The following SIGLEC1 variants were observed in gnomAD, a reference collection of about 807,000 sequenced individuals.
SIGLEC1 encodes the protein sialoadhesin.
A neutral mutation model predicts 148.0 loss-of-function variants in SIGLEC1; 132 were observed. That is an observed-to-expected ratio of 0.89 (90% CI 0.77 to 1.03). The LOEUF (loss-of-function observed/expected upper bound fraction) is 1.03. Among genes scored for constraint, SIGLEC1 ranks in the 50% least tolerant of loss-of-function variants. The pLI, the probability that SIGLEC1 is intolerant of heterozygous loss-of-function variation, is 0.00. For synonymous variants in SIGLEC1, 945 were observed against 969.0 expected (o/e 0.98, Z 0.46); for missense variants, 2,253 against 2,271.4 (o/e 0.99, Z 0.16).
At chr20:3,701,737 C>T in intron 6 of SIGLEC1, 96 bp from the exon 7 acceptor site, 1 of 1,219,648 alleles carries the variant, frequency 8.2e-7, no homozygotes, top group Admixed American at 3.0e-5. Flanking sequence ...CTTTGTCCCA[C>T]ACTGCCCTGT....
In SIGLEC1 at chr20:3,696,764, G is replaced by C; in HGVS notation, c.2505C>G (p.Leu835=). 2 of 1,613,290 alleles carry C rather than the reference G, an allele frequency of 1.2e-6. No individual in the cohort carries two copies. The highest frequency in any genetic ancestry group is 1.7e-6 in the Non-Finnish European group (2 of 1,179,968). ...ALLALFHGEH[L]LATSLGPQVP... ...CCTGGGGACCCAGGCTGGTGGCCAG[G>C]AGGTGCTCCCCATGGAACAAGGCCA... The change falls in exon 11 of 22, where the codon CTC becomes CTG. Residue 835 remains leucine, a synonymous_variant. Transcript: ENST00000344754.
intron 1 of SIGLEC1, among the ~76,000 whole-genome samples, chr20:3,709,330 G>A (rs1600293097): frequency 6.6e-6 from 1 of 152,232 alleles, no homozygotes; most frequent in African/African-American, 2.4e-5. Flanking sequence ...ACATCACTAG[G>A]CATTAGGAAA....
At chr20:3,698,834 G>A (rs2087826215) in intron 8 of SIGLEC1, among the ~76,000 whole-genome samples, 1 of 152,244 alleles carries the variant, frequency 6.6e-6, no homozygotes, top group Non-Finnish European at 1.5e-5. Flanking sequence ...GTGCTGAGGG[G>A]CTTTGCCTTG....
chr20:3,694,994 T>C (rs1434808920), intron 11 of SIGLEC1, 71 bp from the exon 12 acceptor site: 37 of 1,494,950 alleles, frequency 2.5e-5, no homozygotes, highest in Non-Finnish European at 3.3e-5. Flanking sequence ...CATGTGCGTG[T>C]CCACCTAGGA....
In SIGLEC1 at chr20:3,697,148, C is replaced by A. The variant is rs773678605; in HGVS notation, c.2317G>T (p.Ala773Ser). 1 of 1,613,662 alleles carries A rather than the reference C, an allele frequency of 6.2e-7. No homozygotes were observed. Among genetic ancestry groups the A allele is most frequent in the Non-Finnish European group, 8.5e-7 (1 of 1,180,010 alleles). ...CCAGCCTCAGTCAGGATGCGGCAGG[C>A]GTAAAGGGCAGCATCAGTTCTGGCC... is the stretch of plus-strand genomic sequence containing the variant. ...PVARTDAALY[A>S]CRILTEAGAQ... is the part of the protein sequence containing the mutation. Residue 773 changes from alanine to serine, a missense_variant, in exon 10 of 22, where the codon GCC becomes TCC. Coordinates refer to ENST00000344754, the MANE Select transcript of SIGLEC1 (RefSeq NM_023068.4).
chr20:3,696,129 T>TATATACACACACACACACAC (rs11087599), intron 11 of SIGLEC1, among the ~76,000 whole-genome samples: 41 of 142,512 alleles, frequency 2.9e-4, no homozygotes, highest in African/African-American at 1.1e-3. Flanking sequence ...ACTATATATA[T>TATATACACACACACACACAC]ACACACACAC....
intron 9 of SIGLEC1, 141 bp downstream of exon 9, chr20:3,697,657 C>T (rs1422616842): frequency 2.6e-6 from 2 of 771,254 alleles, no homozygotes; most frequent in Non-Finnish European, 4.2e-6. Flanking sequence ...AGCAGCTCCG[C>T]TCTTCCTGAA....
At chr20:3,696,505 C>A in intron 11 of SIGLEC1, 81 bp downstream of exon 11, 1 of 1,384,280 alleles carries the variant, frequency 7.2e-7, no homozygotes, top group Non-Finnish European at 9.7e-7. Context: ...GCACAAAATT[C>A]ACAGCACCCA....
Position 3,687,054 on chromosome 20 carries a change from G to A in SIGLEC1, c.*1506C>T, listed in dbSNP as rs1353669092. On this transcript the variant is annotated 3_prime_UTR_variant, in exon 22 of 22. Coordinates refer to ENST00000344754, the MANE Select transcript of SIGLEC1 (RefSeq NM_023068.4). ...CTGGCAATGGAGCATGAAAATGAAT[G>A]AGCCTGGAATGAGGGAGGGTGCGGC... The A allele has an allele frequency of 6.6e-6, 1 of 152,106 alleles. No individual in the cohort carries two copies. The highest frequency in any genetic ancestry group is 2.1e-4 in the South Asian group (1 of 4,818). 9.4% of individuals were successfully genotyped at this position (152,106 alleles called of 1,614,324 possible).
chr20:3,693,462 T>A lies in SIGLEC1; in HGVS notation c.3493A>T (p.Thr1165Ser). ...GRAPRLSRPI[T>S]LDVLYAPRNL... ...CCAGACTCACAGAGGACGTCCAAGG[T>A]GATAGGTCTGGAGAGGCGGGGTGCC... Residue 1165 changes from threonine to serine, a missense_variant, in exon 14 of 22, where the codon ACC becomes TCC. Physicochemically the swap from Thr to Ser is moderately conservative, Grantham distance 58. Coordinates refer to ENST00000344754, the MANE Select transcript of SIGLEC1 (RefSeq NM_023068.4). The A allele has an allele frequency of 6.3e-7, 1 of 1,586,790 alleles. No homozygotes were observed. Among genetic ancestry groups the A allele is most frequent in the Non-Finnish European group, 8.6e-7 (1 of 1,164,036 alleles).
At chr20:3,692,425 G>A (rs2088773910) in intron 16 of SIGLEC1, 96 bp downstream of exon 16, 2 of 1,384,748 alleles carry the variant, frequency 1.4e-6, no homozygotes, top group Non-Finnish European at 1.9e-6. Flanking sequence ...CCCATTCCTG[G>A]GCCCACTGCA....
rs988956840 is a variant in SIGLEC1 at position 3,689,174 on chromosome 20, A to G, written c.5051T>C (p.Phe1684Ser). 1.9e-6 allele frequency: 3 copies of G among 1,614,018 alleles called. No individual in the cohort carries two copies. The African/African-American group carries it at 4.0e-5, about 22-fold the overall frequency. The change falls in exon 21 of 22, where the codon TTT becomes TCT. Residue 1684 changes from phenylalanine (F) to serine (S), a missense_variant. By Grantham distance (155) the Phe-to-Ser change is radical (BLOSUM62 -2). Coordinates refer to ENST00000344754, the MANE Select transcript of SIGLEC1 (RefSeq NM_023068.4). ...SMGENSVEMA[F>S]QKETTQLIDP... is the part of the protein sequence containing the mutation. ...GGATACCTGCGTGGTCTCTTTCTGAAAAGCCATCTCCACCGAATTCTCGCC... is the reference window on the plus strand; with the variant it reads ...GGATACCTGCGTGGTCTCTTTCTGAGAAGCCATCTCCACCGAATTCTCGCC...
chr20:3,703,371 C>T lies in SIGLEC1; in HGVS notation c.1054G>A (p.Ala352Thr), dbSNP rs930776332. 2.5e-6 allele frequency: 4 copies of T among 1,613,058 alleles called. No homozygotes were observed. The highest frequency in any genetic ancestry group is 2.2e-5 in the East Asian group (1 of 44,894). The change falls in exon 6 of 22, where the codon GCA becomes ACA. Residue 352 changes from alanine to threonine, a missense_variant. Transcript: ENST00000344754. ...VTLVCNTPNEAPSDLRYSWYK... is the reference protein window; with the variant it reads ...VTLVCNTPNETPSDLRYSWYK... ...CAGCTGTAGCGGAGATCACTGGGTG[C>T]CTCATTGGGTGTGTTGCAGACTAGT... is the stretch of plus-strand genomic sequence containing the variant.
intron 6 of SIGLEC1, 28 bp from the exon 7 acceptor site, chr20:3,701,669 C>T (rs776176712): frequency 5.9e-6 from 9 of 1,525,576 alleles, no homozygotes; most frequent in Middle Eastern, 2.0e-4. Context: ...GTGGGCCTGT[C>T]ACCCTCAGAC....
At position 3,696,896 on chromosome 20, in the gene SIGLEC1, A is replaced by G. The variant is rs2087806163; in HGVS notation, c.2381-8T>C. 1 of 1,544,858 alleles carries G rather than the reference A, an allele frequency of 6.5e-7. No homozygotes were observed. Among genetic ancestry groups the G allele is most frequent in the South Asian group, 1.3e-5 (1 of 79,842 alleles). On this transcript the variant is annotated splice_polypyrimidine_tract_variant and splice_region_variant and intron_variant, in intron 10 of 21. Coordinates refer to ENST00000344754, the MANE Select transcript of SIGLEC1 (RefSeq NM_023068.4). ...TTGGACGGTCCGGGGGATCTGCAGGAACAGAGGGAGCTGAGGCCACCCAGC... is the reference window on the plus strand; with the variant it reads ...TTGGACGGTCCGGGGGATCTGCAGGGACAGAGGGAGCTGAGGCCACCCAGC...
intron 10 of SIGLEC1, 36 bp downstream of exon 10, chr20:3,697,049 C>T: frequency 1.3e-6 from 2 of 1,599,332 alleles, no homozygotes; most frequent in South Asian, 1.1e-5. Flanking sequence ...CCCCTCCACC[C>T]TCCAAGTCCC....
Position 3,710,869 on chromosome 20 carries a change from C to A in SIGLEC1, c.-110+1601G>T, listed in dbSNP as rs781209593. Among the ~76,000 whole-genome samples, 2 of 152,204 alleles carry A rather than the reference C, an allele frequency of 1.3e-5. No homozygotes were observed. Among genetic ancestry groups the A allele is most frequent in the Non-Finnish European group, 2.9e-5 (2 of 68,042 alleles). ...CTAACCCCAAAGGGGTCAGCCCCAC[C>A]GGAATCCAGCCTATTGGCTCAGCCT... On this transcript the variant is annotated intron_variant, in intron 1 of 21. Transcript: ENST00000344754. The surrounding 1 kb of genome is among the most constrained non-coding windows in gnomAD (Gnocchi z 4.6).
rs1164041235 is a variant in SIGLEC1, at chr20:3,694,354, C to A, written c.3123G>T (p.Leu1041=). Residue 1041 remains leucine, a synonymous_variant, in exon 13 of 22, where the codon CTG becomes CTT. Coordinates refer to ENST00000344754, the MANE Select transcript of SIGLEC1 (RefSeq NM_023068.4). ...GTGTGTTGGGGGCCACAGCCACATG[C>A]AGCCTGGGAGAGCTGCCTTCGGGTC... ...VGGPEGSSPR[L]HVAVAPNTLR... is the part of the protein sequence containing the mutation. 4 of 1,613,194 alleles carry A rather than the reference C, an allele frequency of 2.5e-6. No individual in the cohort carries two copies. The highest frequency in any genetic ancestry group is 3.4e-6 in the Non-Finnish European group (4 of 1,179,994).
chr20:3,697,789 C>T lies in SIGLEC1; in HGVS notation c.2122+9G>A, dbSNP rs6052014. 1 of 1,612,004 alleles carries T rather than the reference C, an allele frequency of 6.2e-7. No individual in the cohort carries two copies. The highest frequency in any genetic ancestry group is 8.5e-7 in the Non-Finnish European group (1 of 1,179,616). ...TGCCCCCAGGCCACCCATTCCCTGCCTGACTCACCCTGGCCATTGAAGGTG... is the reference window on the plus strand; with the variant it reads ...TGCCCCCAGGCCACCCATTCCCTGCTTGACTCACCCTGGCCATTGAAGGTG... On this transcript the variant is annotated intron_variant, in intron 9 of 21. Transcript: ENST00000344754.
Sources: allele counts gnomAD v4.1 joint callset (sites outside exome capture counted in the v4.1 genomes callset), GRCh38; gene constraint gnomAD v4.1.1; non-coding constraint Gnocchi (gnomAD v3.1); transcripts MANE v1.5; gene names NCBI Gene and HGNC (gene_info 2026-07-23, HGNC 2026-07-21).